DEFB130A: variants seen among roughly 807,000 people sequenced by gnomAD.
DEFB130A encodes beta-defensin 130A.
At chr8:12,317,307 C>G (rs1175694632) in intron 1 of DEFB130A, among the ~76,000 whole-genome samples, 1 of 138,516 alleles carries the variant, frequency 7.2e-6, no homozygotes, top group Non-Finnish European at 1.5e-5. Context: ...GATTGAAAAA[C>G]TATTTGGTAC....
chr8:12,314,905 A>G (rs1273302204), intron 1 of DEFB130A, among the ~76,000 whole-genome samples: 1 of 148,114 alleles, frequency 6.8e-6, no homozygotes, highest in Non-Finnish European at 1.5e-5. Context: ...CATTTAGCAT[A>G]ATGTCCTCCA....
At chr8:12,315,324 C>T (rs1422307503) in intron 1 of DEFB130A, among the ~76,000 whole-genome samples, 1 of 87,728 alleles carries the variant, frequency 1.1e-5, no homozygotes, top group African/African-American at 3.1e-5. Context: ...CAGAAGGAGG[C>T]AATCATATGT....
chr8:12,316,855 T>C (rs1809552347), intron 1 of DEFB130A, among the ~76,000 whole-genome samples: 1 of 147,558 alleles, frequency 6.8e-6, no homozygotes, highest in East Asian at 2.0e-4. Flanking sequence ...GGAGTGCTTA[T>C]ACACTGTTGG....
At chr8:12,312,229 C>G (rs1809466540) in intron 1 of DEFB130A, among the ~76,000 whole-genome samples, 1 of 1,054 alleles carries the variant, frequency 9.5e-4, no homozygotes, top group Non-Finnish European at 2.1e-3. Context: ...AGAAATAGAT[C>G]CATAGCCAGA....
At chr8:12,311,980 TG>T (rs1302435718) in intron 1 of DEFB130A, among the ~76,000 whole-genome samples, 1 of 55,984 alleles carries the variant, frequency 1.8e-5, no homozygotes, top group Non-Finnish European at 3.5e-5. Flanking sequence ...TCACTGCAGA[TG>T]TTATATAAGA....
intron 1 of DEFB130A, among the ~76,000 whole-genome samples, chr8:12,312,150 A>G (rs983174106): frequency 8.6e-5 from 1 of 11,640 alleles, no homozygotes; most frequent in African/African-American, 2.6e-4. Flanking sequence ...TCAGCTCTCA[A>G]TCTTTTTGTT....
chr8:12,318,308 G>T lies in DEFB130A; in HGVS notation c.9C>A (p.Leu3=), dbSNP rs2150811819. ...GGAGGAGAACAGAAATAAGGGAATGGAGTTTCATGGTTGAGTGCCCAATAG... is the reference window on the plus strand; with the variant it reads ...GGAGGAGAACAGAAATAAGGGAATGTAGTTTCATGGTTGAGTGCCCAATAG... MK[L]HSLISVLLLF... Residue 3 remains leucine, a synonymous_variant, in exon 1 of 2, where the codon CTC becomes CTA. Transcript: ENST00000400079. The T allele has an allele frequency of 3.6e-6, 1 of 279,980 alleles. No homozygotes were observed. Among genetic ancestry groups the T allele is most frequent in the Non-Finnish European group, 5.6e-6 (1 of 178,804 alleles). The allele number at this position is 279,980 out of a possible 1,614,324, so 17.3% of individuals were successfully genotyped here.
intron 1 of DEFB130A, among the ~76,000 whole-genome samples, chr8:12,317,107 A>G (rs1809568009): frequency 1.0e-5 from 1 of 97,778 alleles, no homozygotes; most frequent in African/African-American, 4.8e-5. Flanking sequence ...GAATACTATG[A>G]AGCCATAAAA....
At chr8:12,316,793 A>G (rs1809550610) in intron 1 of DEFB130A, among the ~76,000 whole-genome samples, 1 of 149,376 alleles carries the variant, frequency 6.7e-6, no homozygotes, top group African/African-American at 2.6e-5. Context: ...GAGAATGGCT[A>G]TTATTAAAAA....
At position 12,316,103 on chromosome 8, in the gene DEFB130A, G is replaced by C. The variant is rs530652054; in HGVS notation, c.58+2156C>G. Among the ~76,000 whole-genome samples the C allele has an allele frequency of 5.4e-4, 27 of 50,340 alleles. 11 individuals are homozygous for C. The highest frequency in any genetic ancestry group is 2.5e-4 in the Non-Finnish European group (8 of 31,500). The allele number at this position is 50,340 out of a possible 152,430, so 33.0% of individuals were successfully genotyped here. ...AAGGCCACAGTAACTAAAATGGCAT[G>C]GGACTGGTACAAAAGCAGACACATG... On this transcript the variant is annotated intron_variant, in intron 1 of 1. Transcript: ENST00000400079.
At position 12,311,741 on chromosome 8, in the gene DEFB130A, GGATA is replaced by G. The variant is rs1277347699; in HGVS notation, c.59-602_59-599del. Among the ~76,000 whole-genome samples, 173 of 105,168 alleles carry G rather than the reference GGATA, an allele frequency of 1.6e-3. 10 individuals are homozygous for G. The highest frequency in any genetic ancestry group is 5.6e-3 in the East Asian group (17 of 3,028). The allele number at this position is 105,168 out of a possible 152,430, so 69.0% of individuals were successfully genotyped here. ...ATACCTCATAGATAGGTGGAGGAAT[GGATA>G]GATAGATAGATAGATAGATAGATAG... On this transcript the variant is annotated intron_variant, in intron 1 of 1. Transcript: ENST00000400079.
At chr8:12,316,936 A>G (rs372745431) in intron 1 of DEFB130A, among the ~76,000 whole-genome samples, 24 of 106,662 alleles carry the variant, frequency 2.3e-4, no homozygotes, top group East Asian at 8.8e-4. Flanking sequence ...AGCAATTCCT[A>G]CTGGGTATAT....
chr8:12,313,611 G>A (rs868336886), intron 1 of DEFB130A, among the ~76,000 whole-genome samples: 313 of 2,530 alleles, frequency 0.12, 116 homozygotes, highest in Middle Eastern at 0.5. Context: ...TGTGAGTTCA[G>A]GCTGTCTTCT....
At chr8:12,316,803 A>T (rs1380556132) in intron 1 of DEFB130A, among the ~76,000 whole-genome samples, 3 of 149,642 alleles carry the variant, frequency 2.0e-5, no homozygotes, top group Non-Finnish European at 2.9e-5. Flanking sequence ...ATTATTAAAA[A>T]GTTAAAAAAT....
At chr8:12,311,888 C>G (rs1390318213) in intron 1 of DEFB130A, among the ~76,000 whole-genome samples, 1 of 86,922 alleles carries the variant, frequency 1.2e-5, no homozygotes, top group Non-Finnish European at 2.5e-5. Context: ...AGGGTGTGCT[C>G]TAATTCAGTA....
intron 1 of DEFB130A, among the ~76,000 whole-genome samples, chr8:12,315,718 C>A (rs1225863321): frequency 8.0e-6 from 1 of 124,472 alleles, no homozygotes; most frequent in African/African-American, 3.1e-5. Context: ...GAATGCAATC[C>A]CATTTACAAC....
chr8:12,311,782 C>G (rs1585294086), intron 1 of DEFB130A, among the ~76,000 whole-genome samples: 1 of 112,476 alleles, frequency 8.9e-6, no homozygotes, highest in Non-Finnish European at 1.8e-5. Flanking sequence ...CAGACAGACA[C>G]CTGCAGAGAA....
intron 1 of DEFB130A, among the ~76,000 whole-genome samples, chr8:12,311,804 G>C (rs1289060826): frequency 8.8e-6 from 1 of 114,006 alleles, no homozygotes; most frequent in Non-Finnish European, 1.8e-5. Flanking sequence ...TACTCACAGA[G>C]CTAAAAGGTA....
At position 12,312,188 on chromosome 8, in the gene DEFB130A, C is replaced by G. The variant is rs938764896; in HGVS notation, c.59-1045G>C. On this transcript the variant is annotated intron_variant, in intron 1 of 1. Transcript: ENST00000400079. The stretch of plus-strand genomic sequence containing the variant: ...TGTTTGTTATTGTTTTGTATTTAAA[C>G]TAGGCTATCATTATTGTTTCTCTAC... 8.0e-3 allele frequency among the ~76,000 whole-genome samples: 35 copies of G among 4,388 alleles called. 3 individuals are homozygous for G. The highest frequency in any genetic ancestry group is 0.024 in the African/African-American group (35 of 1,440). 2.9% of individuals were successfully genotyped at this position (4,388 alleles called of 152,430 possible).
Sources: allele counts gnomAD v4.1 joint callset (sites outside exome capture counted in the v4.1 genomes callset), GRCh38; gene constraint gnomAD v4.1.1; transcripts MANE v1.5; gene names NCBI Gene and HGNC (gene_info 2026-07-23, HGNC 2026-07-21).